The following EBF1 variants were observed in gnomAD, a reference collection of about 807,000 sequenced individuals.
EBF1 encodes the protein transcription factor COE1.
A neutral mutation model predicts 68.4 loss-of-function variants in EBF1; 10 were observed. The observed-to-expected ratio is 0.15, with a 90% confidence interval of 0.09 to 0.25. The LOEUF (loss-of-function observed/expected upper bound fraction) is 0.25. EBF1 is among the 10% of genes least tolerant of loss of function. The probability of loss-of-function intolerance (pLI) is 1.00; values close to 1 mark genes in which losing one functional copy is unlikely to be tolerated. For missense variants in EBF1, 509 were observed against 794.4 expected (o/e 0.64, Z 4.32); for synonymous variants, 298 against 299.8 (o/e 0.99, Z 0.06).
At chr5:159,040,831 C>T (rs976729383) in intron 6 of EBF1, among the ~76,000 whole-genome samples, 1 of 152,188 alleles carries the variant, frequency 6.6e-6, no homozygotes, top group Admixed American at 6.5e-5. Context: ...GCATATGAAT[C>T]TATTCTCCTG....
chr5:159,069,802 T>G (rs1561939844), intron 6 of EBF1, among the ~76,000 whole-genome samples: 1 of 152,132 alleles, frequency 6.6e-6, no homozygotes, highest in Non-Finnish European at 1.5e-5. Context: ...TCCTGCAAAA[T>G]TTAATAAACT....
intron 11 of EBF1, among the ~76,000 whole-genome samples, chr5:158,722,551 G>A (rs1345864246): frequency 1.3e-5 from 2 of 152,146 alleles, no homozygotes; most frequent in Non-Finnish European, 2.9e-5. Context: ...TATACTATAG[G>A]GAAACTTGAG....
At chr5:158,729,172 A>G (rs1351762363) in intron 11 of EBF1, among the ~76,000 whole-genome samples, 1 of 152,234 alleles carries the variant, frequency 6.6e-6, no homozygotes, top group Non-Finnish European at 1.5e-5. Flanking sequence ...TCGAAAAGGT[A>G]CAACATAGCA....
chr5:158,877,767 C>T (rs1352434430), intron 6 of EBF1, among the ~76,000 whole-genome samples: 1 of 151,928 alleles, frequency 6.6e-6, no homozygotes, highest in African/African-American at 2.4e-5. Context: ...TAATGTTATG[C>T]TGACAGTACT....
At chr5:158,882,815 G>T (rs955737486) in intron 6 of EBF1, among the ~76,000 whole-genome samples, 5 of 152,138 alleles carry the variant, frequency 3.3e-5, no homozygotes, top group Admixed American at 6.5e-5. Flanking sequence ...ACACACCATC[G>T]AGCACCTCGC....
chr5:158,999,721 A>G (rs1222551029), intron 6 of EBF1, among the ~76,000 whole-genome samples: 6 of 152,230 alleles, frequency 3.9e-5, no homozygotes, highest in Non-Finnish European at 8.8e-5. Flanking sequence ...CTTCTTTGAA[A>G]TGAAGCACAA....
intron 6 of EBF1, among the ~76,000 whole-genome samples, chr5:158,936,476 A>C (rs935448593): frequency 1.3e-5 from 2 of 152,176 alleles, no homozygotes; most frequent in African/African-American, 4.8e-5. Context: ...ACACATACAA[A>C]GTGCTTAGCA....
intron 6 of EBF1, among the ~76,000 whole-genome samples, chr5:158,920,878 G>A (rs1221528967): frequency 6.6e-6 from 1 of 152,226 alleles, no homozygotes; most frequent in Non-Finnish European, 1.5e-5. Flanking sequence ...GACAGCACTG[G>A]AGAGGATGCC....
chr5:158,941,302 C>G (rs1190350052), intron 6 of EBF1: 3 of 454,084 alleles, frequency 6.6e-6, no homozygotes, highest in African/African-American at 2.0e-5. Context: ...ACAAATACAG[C>G]AAACCTCTCA....
At chr5:159,086,667 T>C (rs949812387) in intron 4 of EBF1, among the ~76,000 whole-genome samples, 2 of 152,166 alleles carry the variant, frequency 1.3e-5, no homozygotes. Flanking sequence ...AGTTCCACTA[T>C]TGGCAACATA....
intron 6 of EBF1, among the ~76,000 whole-genome samples, chr5:158,891,158 C>A (rs965734866): frequency 2.0e-5 from 3 of 152,168 alleles, no homozygotes; most frequent in Non-Finnish European, 4.4e-5. Flanking sequence ...TTAGTTTGAG[C>A]ACAACAATGC....
intron 3 of EBF1, 22 bp from the exon 4 acceptor site, chr5:159,095,697 G>T (rs1263181148): frequency 1.2e-5 from 19 of 1,613,726 alleles, no homozygotes; most frequent in Non-Finnish European, 1.6e-5. Flanking sequence ...AATGGGGGAA[G>T]GGAGGAGAAT....
intron 6 of EBF1, among the ~76,000 whole-genome samples, chr5:159,072,249 T>C (rs1777925041): frequency 6.6e-6 from 1 of 152,346 alleles, no homozygotes; most frequent in Non-Finnish European, 1.5e-5. Context: ...ATAAAGCTTC[T>C]TGGCAATCAA....
In EBF1 at chr5:158,855,297, ACTTTT is replaced by A. The variant is rs1793755391; in HGVS notation, c.555-15192_555-15188del. On this transcript the variant is annotated intron_variant, in intron 6 of 15. Transcript: ENST00000313708. The stretch of plus-strand genomic sequence containing the variant: ...GCATCACTTTAAAAAATCATTTCTA[ACTTTT>A]CTTTAACTGATCCTCACGAAAAGTC... 2.6e-5 allele frequency among the ~76,000 whole-genome samples: 4 copies of A among 152,336 alleles called. No individual in the cohort carries two copies. The South Asian group carries it at 8.3e-4, about 32-fold the overall frequency.
intron 6 of EBF1, among the ~76,000 whole-genome samples, chr5:159,003,507 C>G (rs563433141): frequency 2.0e-5 from 3 of 151,472 alleles, no homozygotes; most frequent in Non-Finnish European, 4.4e-5. Context: ...AAGATTTAAT[C>G]TGATTGTAAT....
chr5:158,801,755 G>A (rs1780631920), intron 8 of EBF1, among the ~76,000 whole-genome samples: 1 of 151,946 alleles, frequency 6.6e-6, no homozygotes, highest in Non-Finnish European at 1.5e-5. Context: ...ACTGCACCAG[G>A]GGACATTTGC....
chr5:158,866,501 T>C (rs1582711812), intron 6 of EBF1, among the ~76,000 whole-genome samples: 1 of 152,206 alleles, frequency 6.6e-6, no homozygotes, highest in South Asian at 2.1e-4. Flanking sequence ...TTATTACTAT[T>C]AATGTAGCTA....
chr5:158,867,884 A>G (rs1209683588), intron 6 of EBF1, among the ~76,000 whole-genome samples: 2 of 152,208 alleles, frequency 1.3e-5, no homozygotes, highest in African/African-American at 4.8e-5. Flanking sequence ...CTCTTTGATG[A>G]GCATTCGACC....
chr5:158,995,325 G>T (rs1416351282), intron 6 of EBF1, among the ~76,000 whole-genome samples: 1 of 152,148 alleles, frequency 6.6e-6, no homozygotes, highest in African/African-American at 2.4e-5. Context: ...ATTTAACAAG[G>T]CACAATGGTT....
Sources: gnomAD v4.1 joint callset for allele counts (sites outside exome capture counted in the v4.1 genomes callset) on GRCh38, gnomAD v4.1.1 for gene constraint, MANE v1.5 for transcripts, NCBI Gene and HGNC (gene_info 2026-07-23, HGNC 2026-07-21) for gene names.